The following PTPRR variants were observed in gnomAD, a reference collection of about 807,000 sequenced individuals.
PTPRR encodes the protein receptor-type tyrosine-protein phosphatase R.
A neutral mutation model predicts 77.2 loss-of-function variants in PTPRR; 38 were observed. The ratio of observed to expected loss-of-function variants is 0.49; its 90% CI spans 0.38 to 0.65. The LOEUF (loss-of-function observed/expected upper bound fraction) is 0.65, where lower values mean the gene tolerates loss of function less well. PTPRR is among the 30% of genes least tolerant of loss of function. The pLI, the probability that PTPRR is intolerant of heterozygous loss-of-function variation, is 0.00. For missense variants in PTPRR, 744 were observed against 799.2 expected (o/e 0.93, Z 0.83); for synonymous variants, 299 against 283.1 (o/e 1.06, Z -0.57).
chr12:70,687,457 A>G (rs1887913590), intron 8 of PTPRR, among the ~76,000 whole-genome samples: 1 of 152,002 alleles, frequency 6.6e-6, no homozygotes. Context: ...TGACTTGTGA[A>G]GACCAAGATG....
At chr12:70,796,336 TAC>T (rs113113645) in intron 2 of PTPRR, among the ~76,000 whole-genome samples, 171 of 151,754 alleles carry the variant, frequency 1.1e-3, no homozygotes, top group African/African-American at 3.4e-3. Flanking sequence ...CATCAGAATA[TAC>T]ACTTTTTTTT....
chr12:70,878,594 C>A (rs542914061), intron 2 of PTPRR, among the ~76,000 whole-genome samples: 1 of 152,088 alleles, frequency 6.6e-6, no homozygotes, highest in East Asian at 1.9e-4. Context: ...TAAAAAGTCA[C>A]GAAACAGCAG....
At chr12:70,715,584 G>T (rs549378869) in intron 6 of PTPRR, among the ~76,000 whole-genome samples, 13 of 152,288 alleles carry the variant, frequency 8.5e-5, no homozygotes, top group Middle Eastern at 3.4e-3. Context: ...GCCCAGGGGG[G>T]CCAGTTCAGA....
At chr12:70,754,620 T>C (rs745320326) in intron 4 of PTPRR, 121 of 1,597,834 alleles carry the variant, frequency 7.6e-5, no homozygotes, top group Non-Finnish European at 1.0e-4. Flanking sequence ...TTCTTTTCTG[T>C]GTGGAGGAAA....
intron 2 of PTPRR, among the ~76,000 whole-genome samples, chr12:70,805,288 A>AT (rs1565702940): frequency 6.6e-6 from 1 of 151,704 alleles, no homozygotes. Flanking sequence ...AAAATCAATG[A>AT]TTTTTGAGGG....
chr12:70,749,251 T>C (rs1192669723), intron 5 of PTPRR, among the ~76,000 whole-genome samples: 1 of 152,184 alleles, frequency 6.6e-6, no homozygotes, highest in Non-Finnish European at 1.5e-5. Flanking sequence ...TCAATTTAGA[T>C]AGACTTGGGT....
intron 2 of PTPRR, among the ~76,000 whole-genome samples, chr12:70,880,730 C>T (rs981760876): frequency 6.6e-6 from 1 of 152,014 alleles, no homozygotes; most frequent in African/African-American, 2.4e-5. Context: ...ATTCAGTGTC[C>T]ATTCGAAATC....
At chr12:70,845,591 A>AT (rs1892471321) in intron 2 of PTPRR, among the ~76,000 whole-genome samples, 1 of 152,106 alleles carries the variant, frequency 6.6e-6, no homozygotes, top group African/African-American at 2.4e-5. Flanking sequence ...AGCTCTCCGT[A>AT]TTTTTAAATT....
chr12:70,738,693 C>G (rs1399075680), intron 6 of PTPRR, among the ~76,000 whole-genome samples: 1 of 152,194 alleles, frequency 6.6e-6, no homozygotes, highest in Non-Finnish European at 1.5e-5. Flanking sequence ...GAATTTGGAA[C>G]TCAGCATGTA....
intron 5 of PTPRR, among the ~76,000 whole-genome samples, chr12:70,750,604 C>T (rs1890360701): frequency 6.6e-6 from 1 of 152,182 alleles, no homozygotes; most frequent in Non-Finnish European, 1.5e-5. Context: ...ACTCTTGACT[C>T]CTCTGTGGTA....
chr12:70,774,225 T>G (rs1251755428), intron 2 of PTPRR, among the ~76,000 whole-genome samples: 3 of 152,224 alleles, frequency 2.0e-5, no homozygotes, highest in African/African-American at 7.2e-5. Flanking sequence ...CAGGGTGAGC[T>G]GGCACACAGT....
At chr12:70,741,519 C>T (rs995394930) in intron 6 of PTPRR, among the ~76,000 whole-genome samples, 8 of 152,090 alleles carry the variant, frequency 5.3e-5, no homozygotes, top group African/African-American at 7.2e-5. Context: ...TTGCTGTATT[C>T]GGGCTGCCAG....
At chr12:70,788,725 A>C in intron 2 of PTPRR, 1 of 887,924 alleles carries the variant, frequency 1.1e-6, no homozygotes, top group Non-Finnish European at 1.8e-6. Context: ...CATTTACATG[A>C]ACAGATATAG....
chr12:70,783,356 TGGA>T (rs1891245184), intron 2 of PTPRR, among the ~76,000 whole-genome samples: 1 of 152,056 alleles, frequency 6.6e-6, no homozygotes, highest in Non-Finnish European at 1.5e-5. Context: ...GAGGAGGCCC[TGGA>T]GAAGATTGTT....
chr12:70,651,556 C>A (rs922679275), intron 13 of PTPRR, among the ~76,000 whole-genome samples: 9 of 152,154 alleles, frequency 5.9e-5, no homozygotes, highest in Admixed American at 2.0e-4. Context: ...AAGGAGCTCT[C>A]ATTTATACTA....
chr12:70,779,766 C>T (rs1891164289), intron 2 of PTPRR, among the ~76,000 whole-genome samples: 1 of 152,114 alleles, frequency 6.6e-6, no homozygotes, highest in South Asian at 2.1e-4. Flanking sequence ...CAAGTGAAAG[C>T]ATCTGAGTTA....
intron 2 of PTPRR, chr12:70,788,831 C>T (rs1028448049): frequency 1.1e-5 from 17 of 1,524,656 alleles, no homozygotes; most frequent in Non-Finnish European, 1.4e-5. Flanking sequence ...TGGAAATTGA[C>T]TGCATGTTGT....
chr12:70,708,367 A>T (rs1273591071), intron 6 of PTPRR, among the ~76,000 whole-genome samples: 1 of 152,118 alleles, frequency 6.6e-6, no homozygotes, highest in Non-Finnish European at 1.5e-5. Context: ...GACTATATTA[A>T]ACAGGAGTCT....
chr12:70,768,198 ACC>A (rs1890875592), intron 2 of PTPRR, among the ~76,000 whole-genome samples: 1 of 152,058 alleles, frequency 6.6e-6, no homozygotes, highest in Non-Finnish European at 1.5e-5. Flanking sequence ...GACACAAAAA[ACC>A]CTTCAAAAAA....
Sources: gnomAD v4.1 joint callset for allele counts (sites outside exome capture counted in the v4.1 genomes callset) on GRCh38, gnomAD v4.1.1 for gene constraint, MANE v1.5 for transcripts, NCBI Gene and HGNC (gene_info 2026-07-23, HGNC 2026-07-21) for gene names.